SPRYD3: variants seen among roughly 807,000 people sequenced by gnomAD.
The protein encoded by SPRYD3 is SPRY domain containing 3.
A neutral mutation model predicts 50.1 loss-of-function variants in SPRYD3; 17 were observed. The observed-to-expected ratio is 0.34, with a 90% CI of 0.23 to 0.51. The LOEUF (loss-of-function observed/expected upper bound fraction) is 0.51, where lower values mean the gene tolerates loss of function less well. SPRYD3 is among the 20% of genes least tolerant of loss of function. The probability of loss-of-function intolerance (pLI) is 0.97; values close to 1 mark genes in which losing one functional copy is unlikely to be tolerated. For missense variants in SPRYD3, 401 were observed against 591.2 expected, an observed-to-expected ratio of 0.68 and a Z score of 3.34; for synonymous variants, 198 against 215.5, an observed-to-expected ratio of 0.92 and a Z score of 0.71.
chr12:53,074,990 A>G lies in SPRYD3; in HGVS notation c.371+105T>C. ...GCCACTTCCCTGTCCTGACCAGAAAAGTCTATGAAACACCCAATGGGAAAA... is the reference window on the plus strand; with the variant it reads ...GCCACTTCCCTGTCCTGACCAGAAAGGTCTATGAAACACCCAATGGGAAAA... On this transcript the variant is annotated intron_variant, in intron 4 of 10. Transcript: ENST00000301463. This position sits in a 1 kb window ranked among gnomAD's most constrained non-coding sequence, Gnocchi z 4.6. The G allele has an allele frequency of 1.3e-6, 2 of 1,500,966 alleles. No individual in the cohort carries two copies. Among genetic ancestry groups the G allele is most frequent in the Non-Finnish European group, 1.8e-6 (2 of 1,089,180 alleles). The allele number at this position is 1,500,966 out of a possible 1,614,324, so 93.0% of individuals were successfully genotyped here.
chr12:53,078,330 TACAA>T (rs1944605177), intron 1 of SPRYD3, among the ~76,000 whole-genome samples: 1 of 151,392 alleles, frequency 6.6e-6, no homozygotes, highest in South Asian at 2.1e-4. Context: ...CTACTAAAAA[TACAA>T]ACAAATTAGC....
In SPRYD3 at chr12:53,065,450, T is replaced by G. The variant is rs1944495569; in HGVS notation, c.*382A>C. The G allele has an allele frequency of 5.2e-6, 1 of 192,002 alleles. No homozygotes were observed. The highest frequency in any genetic ancestry group is 2.3e-5 in the African/African-American group (1 of 43,112). 11.9% of individuals were successfully genotyped at this position (192,002 alleles called of 1,614,324 possible). ...GTGAGTAGGGGAGGGGGCTGTCTAC[T>G]CTACCCTCTACAAAGCATCATGCCC... On this transcript the variant is annotated 3_prime_UTR_variant, in exon 11 of 11. Coordinates refer to ENST00000301463, the MANE Select transcript of SPRYD3 (RefSeq NM_032840.3).
At position 53,074,797 on chromosome 12, in the gene SPRYD3, T is replaced by A; in HGVS notation, c.372-13A>T. 6.2e-7 allele frequency: 1 copy of A among 1,613,750 alleles called. No homozygotes were observed. Among genetic ancestry groups the A allele is most frequent in the South Asian group, 1.1e-5 (1 of 91,066 alleles). The stretch of plus-strand genomic sequence containing the variant: ...GCCATTGTACAGCCTACAGACAGAG[T>A]AGTACAGACACAGGACCCGAGCCTG... On this transcript the variant is annotated splice_polypyrimidine_tract_variant and intron_variant, in intron 4 of 10. Transcript: ENST00000301463. This position sits in a 1 kb window ranked among gnomAD's most constrained non-coding sequence, Gnocchi z 4.6.
At chr12:53,073,260 C>CCGGGGGGGGGGGGGGCG in intron 6 of SPRYD3, 26 bp downstream of exon 6, 1 of 416,308 alleles carries the variant, frequency 2.4e-6, no homozygotes, top group Non-Finnish European at 4.4e-6. Flanking sequence ...GACCCAGCCC[C>CCGGGGGGGGGGGGGGCG]TCCCACCCTC....
chr12:53,073,258 C>CCCCGGGGGGGGGGGGGGGGGGG, intron 6 of SPRYD3, 28 bp downstream of exon 6: 2 of 397,790 alleles, frequency 5.0e-6, no homozygotes, highest in Non-Finnish European at 9.2e-6. Flanking sequence ...CCGACCCAGC[C>CCCCGGGGGGGGGGGGGGGGGGG]CCTCCCACCC....
chr12:53,073,317 C>T lies in SPRYD3; in HGVS notation c.662G>A (p.Gly221Asp), dbSNP rs778846052. ...ACAGACTCTGACATCATGTAGCCGG[C>T]CCCATTCATCCTCGTAACTGTCCAC... ...MMVDSYEDEW[G>D]RLHDVRVCGT... The change falls in exon 6 of 11, where the codon GGC (glycine) becomes GAC (aspartate). Residue 221 changes from glycine (G) to aspartate (D), a missense_variant. By Grantham distance (94) the Gly-to-Asp change is moderately conservative (BLOSUM62 -1). Coordinates refer to ENST00000301463, the MANE Select transcript of SPRYD3 (RefSeq NM_032840.3). 6.9e-7 allele frequency: 1 copy of T among 1,455,514 alleles called. No homozygotes were observed. Among genetic ancestry groups the T allele is most frequent in the Non-Finnish European group, 9.3e-7 (1 of 1,081,056 alleles). 90.2% of individuals were successfully genotyped at this position (1,455,514 alleles called of 1,614,324 possible).
At chr12:53,073,777 G>C (rs1944568060) in intron 5 of SPRYD3, among the ~76,000 whole-genome samples, 1 of 151,248 alleles carries the variant, frequency 6.6e-6, no homozygotes, top group Non-Finnish European at 1.5e-5. Context: ...CCGGGAGGCG[G>C]AGCTTGCAGT....
intron 8 of SPRYD3, among the ~76,000 whole-genome samples, chr12:53,067,109 C>CAA (rs146264495): frequency 5.9e-4 from 36 of 61,000 alleles, no homozygotes; most frequent in East Asian, 1.2e-3. Flanking sequence ...GACTCCATCT[C>CAA]AAAAAAAAAA....
rs1320601208 is a variant in SPRYD3 at position 53,073,431 on chromosome 12, A to C, written c.548T>G (p.Phe183Cys). The C allele has an allele frequency of 6.4e-7, 1 of 1,570,926 alleles. No homozygotes were observed. The highest frequency in any genetic ancestry group is 2.3e-5 in the East Asian group (1 of 43,172). ...TIMPMSPDGL[F>C]PAVGMHSLGE... ...CAGGGAGTGCATGCCCACTGCTGGG[A>C]ACAGTCCATCTGGGGACATGGGCAT... The change falls in exon 6 of 11, where the codon TTC (phenylalanine) becomes TGC (cysteine). Residue 183 changes from phenylalanine to cysteine, a missense_variant. Phe to Cys is a radical substitution (Grantham distance 205). Transcript: ENST00000301463.
intron 1 of SPRYD3, among the ~76,000 whole-genome samples, chr12:53,078,461 C>G (rs1944606731): frequency 6.6e-6 from 1 of 150,650 alleles, no homozygotes; most frequent in Non-Finnish European, 1.5e-5. Flanking sequence ...TGCACTCCAG[C>G]CTGGGTGACA....
chr12:53,072,212 G>A (rs922884968), intron 6 of SPRYD3, among the ~76,000 whole-genome samples: 1 of 152,144 alleles, frequency 6.6e-6, no homozygotes, highest in Non-Finnish European at 1.5e-5. Flanking sequence ...GTCACGGAGT[G>A]GGCATCTGAG....
chr12:53,076,981 G>T, intron 2 of SPRYD3, 134 bp downstream of exon 2: 2 of 805,304 alleles, frequency 2.5e-6, no homozygotes, highest in Non-Finnish European at 3.9e-6. Flanking sequence ...GGCCTCTGGA[G>T]TCAAGAGCAT....
In SPRYD3 at chr12:53,077,132, T is replaced by C. The variant is rs766841526; in HGVS notation, c.153A>G (p.Val51=). 2.0e-5 allele frequency: 32 copies of C among 1,614,032 alleles called. No homozygotes were observed. The East Asian group carries it at 2.4e-4, about 12-fold the overall frequency. ...RYQERFKHIL[V]DGDTLSYHGN... ...GAACTCACCTTAAAGTATCTCCATC[T>C]ACAAGGATATGTTTGAACCTCTCCT... The change falls in exon 2 of 11, where the codon GTA becomes GTG. Residue 51 remains valine, a synonymous_variant. Coordinates refer to ENST00000301463, the MANE Select transcript of SPRYD3 (RefSeq NM_032840.3).
chr12:53,070,763 C>T (rs1944543884), intron 6 of SPRYD3, among the ~76,000 whole-genome samples: 1 of 152,182 alleles, frequency 6.6e-6, no homozygotes, highest in Admixed American at 6.5e-5. Context: ...CCCTTACTTC[C>T]AACTACAATG....
chr12:53,072,745 G>T (rs1944558526), intron 6 of SPRYD3, among the ~76,000 whole-genome samples: 1 of 152,214 alleles, frequency 6.6e-6, no homozygotes, highest in African/African-American at 2.4e-5. Flanking sequence ...AGCAAGTTTG[G>T]AGGTGTAAGG....
Position 53,068,253 on chromosome 12 carries a change from G to C in SPRYD3, c.745C>G (p.Gln249Glu), listed in dbSNP as rs773953212. 6.2e-7 allele frequency: 1 copy of C among 1,614,206 alleles called. No homozygotes were observed. Among genetic ancestry groups the C allele is most frequent in the Non-Finnish European group, 8.5e-7 (1 of 1,180,040 alleles). The part of the protein sequence containing the change: ...GKSIVDVGLA[Q>E]ARHPLSTRSH... Reference sequence around the variant, plus strand: ...CGGGTGCTGAGTGGGTGCCGGGCCTGGGCCAGCCCCACATCCACGATGCTT... The same window carrying C: ...CGGGTGCTGAGTGGGTGCCGGGCCTCGGCCAGCCCCACATCCACGATGCTT... The change falls in exon 7 of 11, where the codon CAG becomes GAG. Residue 249 changes from glutamine to glutamate, a missense_variant. Transcript: ENST00000301463.
intron 1 of SPRYD3, 106 bp from the exon 2 acceptor site, chr12:53,077,367 C>G: frequency 8.7e-7 from 1 of 1,155,418 alleles, no homozygotes; most frequent in Non-Finnish European, 1.2e-6. Flanking sequence ...AGGCCAGCTG[C>G]CCAGATTGAC....
rs1944523362 is a variant in SPRYD3 at position 53,068,135 on chromosome 12, AGCTCAG to A, written c.843+14_843+19del. Reference sequence around the variant, plus strand: ...ACCTGAGCAGCTCCATGAGCAAAAAAGCTCAGCCTTTGTGCCCACCTTCCGTGCCAG... The same window carrying A: ...ACCTGAGCAGCTCCATGAGCAAAAAACCTTTGTGCCCACCTTCCGTGCCAG... On this transcript the variant is annotated intron_variant, in intron 7 of 10. Transcript: ENST00000301463. 4.3e-6 allele frequency: 7 copies of A among 1,613,892 alleles called. No homozygotes were observed. The highest frequency in any genetic ancestry group is 5.9e-6 in the Non-Finnish European group (7 of 1,179,930).
rs1169109632 is a variant in SPRYD3, at chr12:53,074,582, T to G, written c.507+67A>C. 6.2e-7 allele frequency: 1 copy of G among 1,602,290 alleles called. No homozygotes were observed. Among genetic ancestry groups the G allele is most frequent in the Non-Finnish European group, 8.5e-7 (1 of 1,171,626 alleles). ...CAAGCCCCAGCCAGCAGACTCTTCC[T>G]AATCACTCCCCACAAATCCTTGGGC... On this transcript the variant is annotated intron_variant, in intron 5 of 10. Coordinates refer to ENST00000301463, the MANE Select transcript of SPRYD3 (RefSeq NM_032840.3). The surrounding 1 kb of genome is among the most constrained non-coding windows in gnomAD (Gnocchi z 4.6).
Sources: allele counts gnomAD v4.1 joint callset (sites outside exome capture counted in the v4.1 genomes callset), GRCh38; gene constraint gnomAD v4.1.1; non-coding constraint Gnocchi (gnomAD v3.1); transcripts MANE v1.5; gene names NCBI Gene and HGNC (gene_info 2026-07-23, HGNC 2026-07-21).